Variants in SLC39A11 observed in about 807,000 individuals in gnomAD.
SLC39A11 encodes the protein zinc transporter ZIP11.
In SLC39A11, 33 loss-of-function variants were observed where a neutral mutation model predicts 36.1. That is an observed-to-expected ratio of 0.91 (90% CI 0.69 to 1.22). The LOEUF is 1.22. Ranked by LOEUF, SLC39A11 falls within the 50% of genes most tolerant of loss-of-function variation. The pLI is 0.00. For synonymous variants in SLC39A11, 166 were observed against 170.3 expected, an observed-to-expected ratio of 0.97 and a Z score of 0.20; for missense variants, 432 against 430.3, an observed-to-expected ratio of 1.00 and a Z score of -0.03.
At chr17:72,910,897 A>T (rs1315266804) in intron 5 of SLC39A11, among the ~76,000 whole-genome samples, 1 of 148,338 alleles carries the variant, frequency 6.7e-6, no homozygotes, top group East Asian at 2.0e-4. Context: ...ACTGTACTCC[A>T]GCCTGGGCAA....
At chr17:73,006,102 G>GA (rs1490201759) in intron 4 of SLC39A11, among the ~76,000 whole-genome samples, 3 of 151,876 alleles carry the variant, frequency 2.0e-5, no homozygotes, top group African/African-American at 4.8e-5. Flanking sequence ...GTCCCGTACA[G>GA]AAAAAAAAGC....
intron 7 of SLC39A11, among the ~76,000 whole-genome samples, chr17:72,734,799 AGCGTGTGCGGTTTCCTGC>A (rs1217119953): frequency 6.6e-6 from 1 of 152,160 alleles, no homozygotes; most frequent in African/African-American, 2.4e-5. Flanking sequence ...AGACCTCTGC[AGCGTGTGCGGTTTCCTGC>A]GCTCTGGGAG....
chr17:72,704,705 G>A (rs2072813291), intron 7 of SLC39A11, among the ~76,000 whole-genome samples: 1 of 109,638 alleles, frequency 9.1e-6, no homozygotes, highest in South Asian at 3.6e-4. Flanking sequence ...AGCATGACCT[G>A]GCAGTTCCCT....
chr17:72,949,950 GACAC>G (rs67207508), intron 4 of SLC39A11, among the ~76,000 whole-genome samples: 14,934 of 146,022 alleles, frequency 0.1, 1,331 homozygotes, highest in African/African-American at 0.24. Context: ...AGGCTGCTGT[GACAC>G]ACACACACAC....
chr17:72,894,565 G>C (rs1433503318), intron 5 of SLC39A11, among the ~76,000 whole-genome samples: 1 of 150,322 alleles, frequency 6.7e-6, no homozygotes, highest in East Asian at 1.9e-4. Flanking sequence ...AGCTACTTGG[G>C]AGGCTGAGGC....
At chr17:72,948,762 A>G (rs1026630964) in intron 4 of SLC39A11, among the ~76,000 whole-genome samples, 1 of 152,196 alleles carries the variant, frequency 6.6e-6, no homozygotes, top group African/African-American at 2.4e-5. Flanking sequence ...CCTCACATTT[A>G]TTTGACAAAT....
chr17:73,003,764 C>T (rs2089966217), intron 4 of SLC39A11, among the ~76,000 whole-genome samples: 3 of 152,184 alleles, frequency 2.0e-5, no homozygotes, highest in Non-Finnish European at 4.4e-5. Flanking sequence ...CTATAGATTT[C>T]ACAACTCTCT....
chr17:73,023,901 T>C (rs1466605091), intron 4 of SLC39A11, among the ~76,000 whole-genome samples: 1 of 152,196 alleles, frequency 6.6e-6, no homozygotes, highest in Non-Finnish European at 1.5e-5. Flanking sequence ...GAGGCAAGAC[T>C]GTGTGAGGAC....
At chr17:73,009,021 T>C (rs189360036) in intron 4 of SLC39A11, among the ~76,000 whole-genome samples, 3 of 132,420 alleles carry the variant, frequency 2.3e-5, no homozygotes, top group Non-Finnish European at 4.6e-5. Flanking sequence ...GCCATTGCAA[T>C]GCTGCACTCC....
chr17:72,994,094 T>C (rs946428711), intron 4 of SLC39A11, among the ~76,000 whole-genome samples: 3 of 152,224 alleles, frequency 2.0e-5, no homozygotes, highest in African/African-American at 7.2e-5. Flanking sequence ...CTGCCACGCC[T>C]GGCCTGGTTT....
intron 4 of SLC39A11, among the ~76,000 whole-genome samples, chr17:73,028,955 T>G (rs2058652990): frequency 6.6e-6 from 1 of 151,582 alleles, no homozygotes; most frequent in Non-Finnish European, 1.5e-5. Flanking sequence ...CCATCTCAAC[T>G]AAAAATACAA....
intron 4 of SLC39A11, among the ~76,000 whole-genome samples, chr17:72,964,915 C>T (rs558031114): frequency 1.1e-3 from 162 of 152,234 alleles, no homozygotes; most frequent in African/African-American, 3.4e-3. Context: ...TGGAATACTA[C>T]GCAGCCATAA....
At position 72,905,895 on chromosome 17, in the gene SLC39A11, A is replaced by G. The variant is rs532221993; in HGVS notation, c.430+41857T>C. On this transcript the variant is annotated intron_variant, in intron 5 of 9. Transcript: ENST00000255559. ...CAGCCTCCTGAGTAGCTGGGACTAC[A>G]GGCGCCCGCCACCACGCCCGGCTAA... Among the ~76,000 whole-genome samples, 5 of 152,148 alleles carry G rather than the reference A, an allele frequency of 3.3e-5. No homozygotes were observed. The South Asian group carries it at 1.0e-3, about 32-fold the overall frequency.
chr17:72,922,960 C>CAAAAAAAAAAA (rs10645750), intron 5 of SLC39A11, among the ~76,000 whole-genome samples: 4 of 44,076 alleles, frequency 9.1e-5, no homozygotes, highest in Non-Finnish European at 1.2e-4. Flanking sequence ...GACTCCTTCT[C>CAAAAAAAAAAA]AAAAAAAAAA....
At chr17:72,926,367 C>A (rs1398358275) in intron 5 of SLC39A11, among the ~76,000 whole-genome samples, 1 of 152,162 alleles carries the variant, frequency 6.6e-6, no homozygotes, top group Non-Finnish European at 1.5e-5. Flanking sequence ...GCTAAAGCCA[C>A]AAAGGCCAAA....
At chr17:72,979,638 G>A (rs889031795) in intron 4 of SLC39A11, among the ~76,000 whole-genome samples, 1 of 152,178 alleles carries the variant, frequency 6.6e-6, no homozygotes, top group African/African-American at 2.4e-5. Context: ...AATCGAGCCA[G>A]TTCAGGCCCC....
intron 4 of SLC39A11, among the ~76,000 whole-genome samples, chr17:72,957,903 T>C (rs1384742661): frequency 6.6e-6 from 1 of 151,410 alleles, no homozygotes; most frequent in African/African-American, 2.4e-5. Context: ...GGCAGGAGAA[T>C]CGCTTGAACC....
chr17:72,915,500 T>A (rs1389482427), intron 5 of SLC39A11, among the ~76,000 whole-genome samples: 1 of 152,220 alleles, frequency 6.6e-6, no homozygotes. Context: ...TGGCATGACA[T>A]GGCAGTGTGC....
chr17:72,942,041 T>A (rs2085139692), intron 5 of SLC39A11, among the ~76,000 whole-genome samples: 2 of 146,318 alleles, frequency 1.4e-5, no homozygotes, highest in African/African-American at 5.0e-5. Context: ...CCACCACGCC[T>A]GGCTAATTTT....
Sources: gnomAD v4.1 joint callset for allele counts (sites outside exome capture counted in the v4.1 genomes callset) on GRCh38, gnomAD v4.1.1 for gene constraint, MANE v1.5 for transcripts, NCBI Gene and HGNC (gene_info 2026-07-23, HGNC 2026-07-21) for gene names.